CEP85L: variants seen among roughly 807,000 people sequenced by gnomAD.
The protein encoded by CEP85L is centrosomal protein of 85 kDa-like.
CEP85L carries 60 observed loss-of-function variants against 100.3 expected under a neutral mutation model. The ratio of observed to expected loss-of-function variants is 0.60; its 90% confidence interval spans 0.49 to 0.74. CEP85L has a LOEUF of 0.74. CEP85L is among the 30% of genes least tolerant of loss of function. CEP85L has a pLI of 0.00. For synonymous variants in CEP85L, 319 were observed against 322.7 expected, an observed-to-expected ratio of 0.99 and a Z score of 0.12; for missense variants, 973 against 936.2, an observed-to-expected ratio of 1.04 and a Z score of -0.51.
In CEP85L at chr6:118,610,477, G is replaced by C. The variant is rs576598845; in HGVS notation, c.232+21976C>G. On this transcript the variant is annotated intron_variant, in intron 2 of 12. Transcript: ENST00000368491. Reference sequence around the variant, plus strand: ...TCAGAGGAGGCCTGGTAGAGACTGAGGACTTTCACCATCACTGAGTAGTAA... The same window carrying C: ...TCAGAGGAGGCCTGGTAGAGACTGACGACTTTCACCATCACTGAGTAGTAA... Among the ~76,000 whole-genome samples the C allele has an allele frequency of 2.0e-5, 3 of 152,244 alleles. No homozygotes were observed. The South Asian group carries it at 6.2e-4, about 32-fold the overall frequency.
chr6:118,534,538 A>G (rs1777476041), intron 3 of CEP85L, among the ~76,000 whole-genome samples: 1 of 152,106 alleles, frequency 6.6e-6, no homozygotes, highest in Admixed American at 6.5e-5. Context: ...CTGTAATCCC[A>G]GCTACTCAGG....
rs1328335500 is a variant in CEP85L at position 118,461,414 on chromosome 6, A to G, written c.*3991T>C. 1 of 152,048 alleles carries G rather than the reference A, an allele frequency of 6.6e-6. No individual in the cohort carries two copies. The highest frequency in any genetic ancestry group is 1.5e-5 in the Non-Finnish European group (1 of 67,988). 9.4% of individuals were successfully genotyped at this position (152,048 alleles called of 1,614,324 possible). A position where few individuals can be genotyped will look rare whatever the true frequency, so the allele number is the denominator to read the frequency against. The stretch of plus-strand genomic sequence containing the variant: ...CAAAAAACGGCTCCTTGCTTTAAAA[A>G]AAAAAATTCCTTAATCAAGTTTATA... On this transcript the variant is annotated 3_prime_UTR_variant, in exon 13 of 13. Transcript: ENST00000368491.
chr6:118,482,093 C>T (rs1053676105), intron 7 of CEP85L, among the ~76,000 whole-genome samples, 160 bp from the exon 8 acceptor site: 1 of 150,588 alleles, frequency 6.6e-6, no homozygotes, highest in African/African-American at 2.4e-5. Flanking sequence ...TTCTCCATCT[C>T]TTCCTCTGTG....
Position 118,469,168 on chromosome 6 carries a change from A to T in CEP85L, c.2158T>A (p.Ser720Thr), listed in dbSNP as rs1772752332. Residue 720 changes from serine (S) to threonine (T), a missense_variant, in exon 12 of 13, where the codon TCC becomes ACC. Around this residue, in one of 3 missense-constraint regions of CEP85L, gnomAD observed 890 missense variants for 844.5 expected, o/e 1.05. Transcript: ENST00000368491. ...GCTTTCAAGTCAAACAAACAACAGG[A>T]CATTTCCTTGAACAGCTGATCAATC... ...TVIDQLFKEM[S>T]CCLFDLKALC... 1 of 1,614,050 alleles carries T rather than the reference A, an allele frequency of 6.2e-7. No homozygotes were observed. Among genetic ancestry groups the T allele is most frequent in the South Asian group, 1.1e-5 (1 of 91,086 alleles).
At chr6:118,566,366 G>A (rs1007988564) in intron 2 of CEP85L, 50 bp from the exon 3 acceptor site, 59 of 1,446,998 alleles carry the variant, frequency 4.1e-5, no homozygotes, top group Non-Finnish European at 5.1e-5. Context: ...AGACAAAAGA[G>A]AATGAGGTAA....
chr6:118,507,301 A>C (rs1775713376), intron 5 of CEP85L, among the ~76,000 whole-genome samples: 1 of 152,236 alleles, frequency 6.6e-6, no homozygotes, highest in Admixed American at 6.5e-5. Context: ...TTGGTCATAC[A>C]GATGTTTAAT....
chr6:118,555,747 T>C (rs1778824860), intron 3 of CEP85L, among the ~76,000 whole-genome samples: 1 of 152,128 alleles, frequency 6.6e-6, no homozygotes, highest in African/African-American at 2.4e-5. Context: ...TATTACTTCA[T>C]CATCCCGTTA....
intron 1 of CEP85L, among the ~76,000 whole-genome samples, chr6:118,687,383 G>A (rs1199666656): frequency 1.3e-5 from 2 of 152,178 alleles, no homozygotes; most frequent in Admixed American, 1.3e-4. Flanking sequence ...CTGCCACTGA[G>A]AGACAGGACT....
chr6:118,632,152 G>A (rs1156237284), intron 2 of CEP85L, among the ~76,000 whole-genome samples: 3 of 152,124 alleles, frequency 2.0e-5, no homozygotes, highest in Non-Finnish European at 2.9e-5. Context: ...ACCACGTCCA[G>A]CTAATTTTTT....
chr6:118,706,577 T>A (rs1777598848), intron 1 of CEP85L, among the ~76,000 whole-genome samples: 1 of 152,216 alleles, frequency 6.6e-6, no homozygotes, highest in South Asian at 2.1e-4. Context: ...CATTTGAACC[T>A]CCTGGAATTT....
chr6:118,548,060 A>G (rs529032915), intron 3 of CEP85L, among the ~76,000 whole-genome samples: 2 of 152,094 alleles, frequency 1.3e-5, no homozygotes, highest in Non-Finnish European at 2.9e-5. Context: ...AAAGCTTTCC[A>G]CCACCTCAAG....
At chr6:118,541,296 T>C (rs1487531578) in intron 3 of CEP85L, among the ~76,000 whole-genome samples, 1 of 152,238 alleles carries the variant, frequency 6.6e-6, no homozygotes, top group Non-Finnish European at 1.5e-5. Flanking sequence ...TTTGCTATGC[T>C]ATGCAAGCTT....
At chr6:118,483,618 T>C (rs892137548) in intron 7 of CEP85L, 88 bp downstream of exon 7, 3 of 1,230,974 alleles carry the variant, frequency 2.4e-6, no homozygotes, top group East Asian at 2.4e-5. Flanking sequence ...ATTAAACACA[T>C]AGATTTAACT....
intron 3 of CEP85L, among the ~76,000 whole-genome samples, chr6:118,531,555 T>C (rs1376419774): frequency 6.6e-6 from 1 of 152,062 alleles, no homozygotes; most frequent in Non-Finnish European, 1.5e-5. Flanking sequence ...CAAAAGAAAC[T>C]ATCAACAGAA....
intron 2 of CEP85L, among the ~76,000 whole-genome samples, chr6:118,631,163 G>A (rs1382247708): frequency 6.6e-6 from 1 of 152,088 alleles, no homozygotes; most frequent in Non-Finnish European, 1.5e-5. Flanking sequence ...TGCATGTGTG[G>A]GGACAAGAGA....
In CEP85L at chr6:118,553,090, A is replaced by G. The variant is rs559366663; in HGVS notation, c.1020+12439T>C. Reference sequence around the variant, plus strand: ...ATATACAAGTTCAGAAAATCCCAAAACTATTTATGATTAGACTAACAGAAT... The same window carrying G: ...ATATACAAGTTCAGAAAATCCCAAAGCTATTTATGATTAGACTAACAGAAT... On this transcript the variant is annotated intron_variant, in intron 3 of 12. Transcript: ENST00000368491. Among the ~76,000 whole-genome samples the G allele has an allele frequency of 2.6e-5, 4 of 152,192 alleles. No individual in the cohort carries two copies. The South Asian group carries it at 8.3e-4, about 32-fold the overall frequency.
At chr6:118,497,867 A>C (rs1005832315) in intron 5 of CEP85L, among the ~76,000 whole-genome samples, 2 of 152,242 alleles carry the variant, frequency 1.3e-5, no homozygotes, top group Non-Finnish European at 2.9e-5. Flanking sequence ...AATTGATCTA[A>C]CAAGTGACAT....
intron 12 of CEP85L, 78 bp downstream of exon 12, chr6:118,468,994 A>G (rs1342942629): frequency 4.3e-6 from 4 of 920,440 alleles, no homozygotes; most frequent in Non-Finnish European, 6.9e-6. Context: ...AAACAGAGAA[A>G]AGGCAGTCGG....
chr6:118,483,223 G>A (rs554014422), intron 7 of CEP85L, among the ~76,000 whole-genome samples: 1 of 151,788 alleles, frequency 6.6e-6, no homozygotes, highest in Non-Finnish European at 1.5e-5. Context: ...AGACTCTGAG[G>A]TATTGTTAAG....
Sources: gnomAD v4.1 joint callset for allele counts (sites outside exome capture counted in the v4.1 genomes callset) on GRCh38, gnomAD v4.1.1 for gene constraint, gnomAD v4.1.1 regional missense constraint, MANE v1.5 for transcripts, NCBI Gene and HGNC (gene_info 2026-07-23, HGNC 2026-07-21) for gene names.